The following UBXN10 variants were observed in gnomAD, a reference collection of about 807,000 sequenced individuals.
UBXN10 encodes UBX domain protein 10.
A neutral mutation model predicts 6.9 loss-of-function variants in UBXN10; 6 were observed. The ratio of observed to expected loss-of-function variants is 0.87; its 90% CI spans 0.48 to 1.72. The LOEUF is 1.72. Among genes scored for constraint, UBXN10 ranks in the 40% most tolerant of loss-of-function variants. The probability of loss-of-function intolerance (pLI) is 0.01; values close to 1 mark genes in which losing one functional copy is unlikely to be tolerated. For synonymous variants in UBXN10, 131 were observed against 135.2 expected, an observed-to-expected ratio of 0.97 and a Z score of 0.21; for missense variants, 317 against 348.4, an observed-to-expected ratio of 0.91 and a Z score of 0.72.
intron 1 of UBXN10, among the ~76,000 whole-genome samples, chr1:20,189,823 A>G (rs1183563099): frequency 6.6e-6 from 1 of 152,240 alleles, no homozygotes; most frequent in Non-Finnish European, 1.5e-5. Flanking sequence ...AGCAGCTTGT[A>G]TGGGTACAGA....
intron 1 of UBXN10, 108 bp from the exon 2 acceptor site, chr1:20,190,439 A>T: frequency 7.1e-7 from 1 of 1,413,560 alleles, no homozygotes; most frequent in Non-Finnish European, 9.4e-7. Context: ...CCCTTACTAG[A>T]TGCCAGAAAT....
intron 1 of UBXN10, among the ~76,000 whole-genome samples, chr1:20,189,779 C>T (rs1016701230): frequency 6.6e-6 from 1 of 152,152 alleles, no homozygotes. Flanking sequence ...GAGCAGCTAG[C>T]AGACATACAG....
chr1:20,184,195 A>ACGCG (rs1176526649), upstream of UBXN10: 2 of 115,234 alleles, frequency 1.7e-5, no homozygotes, highest in African/African-American at 7.3e-5. Flanking sequence ...GCGTGCGCAC[A>ACGCG]CGCACACACA....
chr1:20,190,588 A>T lies in UBXN10; in HGVS notation c.27A>T (p.Ile9=). 6.2e-7 allele frequency: 1 copy of T among 1,614,012 alleles called. No homozygotes were observed. The part of the protein sequence containing the change: MATEAPVN[I]APPECSTVVS... ...TGGCCACAGAAGCCCCTGTGAATAT[A>T]GCACCACCTGAGTGTAGCACTGTTG... The change falls in exon 2 of 2, where the codon ATA becomes ATT. Residue 9 remains isoleucine (I), a synonymous_variant. Coordinates refer to ENST00000375099, the MANE Select transcript of UBXN10 (RefSeq NM_152376.5).
At position 20,191,245 on chromosome 1, in the gene UBXN10, C is replaced by A. The variant is rs372417714; in HGVS notation, c.684C>A (p.Ala228=). The change falls in exon 2 of 2, where the codon GCC becomes GCA. Residue 228 remains alanine, a synonymous_variant. Transcript: ENST00000375099. The surrounding 1 kb of genome is among the most constrained non-coding windows in gnomAD (Gnocchi z 4.5). ...TDDLQTIVAV[A]EQKNKTSYRH... is the part of the protein sequence containing the mutation. Reference sequence around the variant, plus strand: ...ATTTGCAAACCATTGTTGCTGTGGCCGAACAGAAAAACAAAACCTCCTACC... The same window carrying A: ...ATTTGCAAACCATTGTTGCTGTGGCAGAACAGAAAAACAAAACCTCCTACC... 6.2e-7 allele frequency: 1 copy of A among 1,614,088 alleles called. No homozygotes were observed. Among genetic ancestry groups the A allele is most frequent in the Admixed American group, 1.7e-5 (1 of 60,016 alleles).
rs761146499 is a variant in UBXN10, at chr1:20,190,904, C to G, written c.343C>G (p.Pro115Ala). ...TGASSSLNKY[P>A]VLPSINRKNL... The stretch of plus-strand genomic sequence containing the variant: ...GGCTTCCTCTTCTCTCAATAAGTAT[C>G]CAGTCCTTCCTTCCATCAACAGAAA... Residue 115 changes from proline to alanine, a missense_variant, in exon 2 of 2, where the codon CCA becomes GCA. Transcript: ENST00000375099. The G allele has an allele frequency of 3.1e-6, 5 of 1,614,132 alleles. No homozygotes were observed. The highest frequency in any genetic ancestry group is 3.4e-6 in the Non-Finnish European group (4 of 1,180,030).
In UBXN10 at chr1:20,194,310, C is replaced by G. The variant is rs1048926; in HGVS notation, c.*2906C>G. 6.0e-6 allele frequency: 1 copy of G among 167,102 alleles called. No homozygotes were observed. Among genetic ancestry groups the G allele is most frequent in the Non-Finnish European group, 1.5e-5 (1 of 68,144 alleles). 10.4% of individuals were successfully genotyped at this position (167,102 alleles called of 1,614,324 possible). A position where few individuals can be genotyped will look rare whatever the true frequency, so the allele number is the denominator to read the frequency against. On this transcript the variant is annotated 3_prime_UTR_variant, in exon 2 of 2. Coordinates refer to ENST00000375099, the MANE Select transcript of UBXN10 (RefSeq NM_152376.5). ...TTAGTCTTGGCAGCAGAAGGAACAG[C>G]AGGAGAAGTAAGTGATTCATCATCT...
Position 20,191,014 on chromosome 1 carries a change from C to T in UBXN10, c.453C>T (p.Asp151=), listed in dbSNP as rs765029383. The T allele has an allele frequency of 5.6e-6, 9 of 1,614,026 alleles. No homozygotes were observed. Among genetic ancestry groups the T allele is most frequent in the East Asian group, 4.5e-5 (2 of 44,888 alleles). ...GCAGTATCCGGGCTCTTTACCAAGA[C>T]GAGACGGGCACCATGAAGACAAGTG... is the stretch of plus-strand genomic sequence containing the variant. ...QLSSIRALYQ[D]ETGTMKTSEE... is the part of the protein sequence containing the mutation. The change falls in exon 2 of 2, where the codon GAC becomes GAT. Residue 151 remains aspartate (D), a synonymous_variant. Transcript: ENST00000375099. The surrounding 1 kb of genome is among the most constrained non-coding windows in gnomAD (Gnocchi z 4.5).
In UBXN10 at chr1:20,194,125, A is replaced by T. The variant is rs2018562105; in HGVS notation, c.*2721A>T. 1 of 167,132 alleles carries T rather than the reference A, an allele frequency of 6.0e-6. No homozygotes were observed. Among genetic ancestry groups the T allele is most frequent in the Non-Finnish European group, 1.5e-5 (1 of 68,130 alleles). The allele number at this position is 167,132 out of a possible 1,614,324, so 10.4% of individuals were successfully genotyped here. A position where few individuals can be genotyped will look rare whatever the true frequency, so the allele number is the denominator to read the frequency against. On this transcript the variant is annotated 3_prime_UTR_variant, in exon 2 of 2. Coordinates refer to ENST00000375099, the MANE Select transcript of UBXN10 (RefSeq NM_152376.5). ...TTTATCTGCAAAGGACCCCAAAGTG[A>T]GGATCCCACATTGTTACTGCTGGCT...
chr1:20,191,154 G>C lies in UBXN10; in HGVS notation c.593G>C (p.Arg198Thr), dbSNP rs924913879. The part of the protein sequence containing the change: ...NLEEPSDQEP[R>T]LLLAVRSPTG... ...GAGGAACCATCGGACCAAGAACCAA[G>C]GTTGCTGCTTGCTGTTAGATCACCA... The change falls in exon 2 of 2, where the codon AGG becomes ACG. Residue 198 changes from arginine (R) to threonine (T), a missense_variant. Coordinates refer to ENST00000375099, the MANE Select transcript of UBXN10 (RefSeq NM_152376.5). The surrounding 1 kb of genome is among the most constrained non-coding windows in gnomAD (Gnocchi z 4.5). 7 of 1,614,086 alleles carry C rather than the reference G, an allele frequency of 4.3e-6. No individual in the cohort carries two copies. Among genetic ancestry groups the C allele is most frequent in the African/African-American group, 1.3e-5 (1 of 74,920 alleles).
At position 20,193,943 on chromosome 1, in the gene UBXN10, G is replaced by T. The variant is rs532088635; in HGVS notation, c.*2539G>T. On this transcript the variant is annotated 3_prime_UTR_variant, in exon 2 of 2. Coordinates refer to ENST00000375099, the MANE Select transcript of UBXN10 (RefSeq NM_152376.5). ...CAGCCTTGCCCAGTTTGGGGTCATA[G>T]ACCTCAGTTATTCATTTAACCGATG... 1 of 167,208 alleles carries T rather than the reference G, an allele frequency of 6.0e-6. No homozygotes were observed. Among genetic ancestry groups the T allele is most frequent in the Non-Finnish European group, 1.5e-5 (1 of 68,130 alleles). The allele number at this position is 167,208 out of a possible 1,614,324, so 10.4% of individuals were successfully genotyped here. A position where few individuals can be genotyped will look rare whatever the true frequency, so the allele number is the denominator to read the frequency against.
At chr1:20,184,840 C>T (rs926232456), upstream of UBXN10, among the ~76,000 whole-genome samples, 2 of 151,946 alleles carry the variant, frequency 1.3e-5, no homozygotes, top group East Asian at 1.9e-4. Flanking sequence ...AGCAAAACAA[C>T]GTTTTGAAAT....
rs1010345410 is a variant in UBXN10 at position 20,190,200 on chromosome 1, C to T, written c.-15-347C>T. Among the ~76,000 whole-genome samples the T allele has an allele frequency of 2.0e-5, 3 of 152,076 alleles. No individual in the cohort carries two copies. The South Asian group carries it at 6.2e-4, about 32-fold the overall frequency. ...GGTTTTTACCAGAAACTTCCCCCCT[C>T]CTAAAAGAATAAGAATTAGTCCCCC... On this transcript the variant is annotated intron_variant, in intron 1 of 1. Coordinates refer to ENST00000375099, the MANE Select transcript of UBXN10 (RefSeq NM_152376.5).
In UBXN10 at chr1:20,193,804, TA is replaced by T. The variant is rs1189568543; in HGVS notation, c.*2403del. 6.0e-6 allele frequency: 1 copy of T among 167,056 alleles called. No homozygotes were observed. The highest frequency in any genetic ancestry group is 1.5e-5 in the Non-Finnish European group (1 of 68,120). 10.3% of individuals were successfully genotyped at this position (167,056 alleles called of 1,614,324 possible). On this transcript the variant is annotated 3_prime_UTR_variant, in exon 2 of 2. Coordinates refer to ENST00000375099, the MANE Select transcript of UBXN10 (RefSeq NM_152376.5). ...ATTTTGGGGATTGGCAAGAACAAAC[TA>T]AATCAGAATTCAGAGTTCCTGATGG...
At position 20,195,672 on chromosome 1, in the gene UBXN10, C is replaced by T. The variant is rs972313579; in HGVS notation, c.*4268C>T. ...ATGGCAGGCAGGGGAAAGACACTGA[C>T]CAGCAGGAACATTCCCATCAAGGAA... On this transcript the variant is annotated 3_prime_UTR_variant, in exon 2 of 2. Coordinates refer to ENST00000375099, the MANE Select transcript of UBXN10 (RefSeq NM_152376.5). 12 of 167,158 alleles carry T rather than the reference C, an allele frequency of 7.2e-5. No individual in the cohort carries two copies. The highest frequency in any genetic ancestry group is 2.9e-4 in the African/African-American group (12 of 41,570). 10.4% of individuals were successfully genotyped at this position (167,158 alleles called of 1,614,324 possible).
rs1200010349 is a variant in UBXN10 at position 20,194,362 on chromosome 1, A to G, written c.*2958A>G. 2.4e-5 allele frequency: 4 copies of G among 167,122 alleles called. No homozygotes were observed. Among genetic ancestry groups the G allele is most frequent in the Non-Finnish European group, 4.4e-5 (3 of 68,128 alleles). 10.4% of individuals were successfully genotyped at this position (167,122 alleles called of 1,614,324 possible). A position where few individuals can be genotyped will look rare whatever the true frequency, so the allele number is the denominator to read the frequency against. On this transcript the variant is annotated 3_prime_UTR_variant, in exon 2 of 2. Coordinates refer to ENST00000375099, the MANE Select transcript of UBXN10 (RefSeq NM_152376.5). ...GAATCCAGAAAATTTGCACCAACAGATGGCAGGTGGTTATAACACAACAGA... is the reference window on the plus strand; with the variant it reads ...GAATCCAGAAAATTTGCACCAACAGGTGGCAGGTGGTTATAACACAACAGA...
chr1:20,189,940 G>A (rs935459435), intron 1 of UBXN10, among the ~76,000 whole-genome samples: 1 of 152,208 alleles, frequency 6.6e-6, no homozygotes, highest in Non-Finnish European at 1.5e-5. Context: ...TCATACATCT[G>A]TAGAATTAGC....
chr1:20,189,087 GA>G (rs1220947591), intron 1 of UBXN10, among the ~76,000 whole-genome samples: 1 of 152,148 alleles, frequency 6.6e-6, no homozygotes, highest in Non-Finnish European at 1.5e-5. Context: ...TTTTGTGCCA[GA>G]AAGGTAGAGT....
At chr1:20,185,569 C>T (rs2018357758), upstream of UBXN10, among the ~76,000 whole-genome samples, 1 of 152,070 alleles carries the variant, frequency 6.6e-6, no homozygotes, top group African/African-American at 2.4e-5. Flanking sequence ...CCAGTGTGGC[C>T]CCGGAGTGGG....
Sources: gnomAD v4.1 joint callset for allele counts (sites outside exome capture counted in the v4.1 genomes callset) on GRCh38, gnomAD v4.1.1 for gene constraint, Gnocchi (gnomAD v3.1) non-coding constraint, MANE v1.5 for transcripts, NCBI Gene and HGNC (gene_info 2026-07-23, HGNC 2026-07-21) for gene names.